Variants in BLTP1 observed in about 807,000 individuals in gnomAD.
BLTP1 encodes fragile site-associated protein.
the BLTP1 span, chr4:122,328,811 A>G: frequency 3.1e-6 from 3 of 959,452 alleles, no homozygotes; most frequent in East Asian, 3.5e-4. Flanking sequence ...GGTGTTAATG[A>G]AATAAATGAC....
At chr4:122,281,520 T>A in the BLTP1 span, 1 of 1,556,218 alleles carries the variant, frequency 6.4e-7, no homozygotes, top group Non-Finnish European at 8.6e-7. Flanking sequence ...TTAATTATTT[T>A]TTTTTTGCTT....
the BLTP1 span, chr4:122,198,161 C>T: frequency 3.1e-6 from 3 of 979,760 alleles, no homozygotes; most frequent in South Asian, 1.4e-4. Context: ...GGCCTGCCTG[C>T]TTAGATAATC....
the BLTP1 span, among the ~76,000 whole-genome samples, chr4:122,308,941 T>C: frequency 6.6e-6 from 1 of 152,150 alleles, no homozygotes; most frequent in East Asian, 1.9e-4. Context: ...AGTAGTTTTT[T>C]AATAGCATAA....
chr4:122,297,293 C>T, the BLTP1 span, among the ~76,000 whole-genome samples: 3 of 152,076 alleles, frequency 2.0e-5, no homozygotes, highest in Non-Finnish European at 2.9e-5. Context: ...GGCCAACAAA[C>T]GTATGAAAAA....
chr4:122,209,857 G>A, the BLTP1 span: 2 of 1,613,578 alleles, frequency 1.2e-6, no homozygotes, highest in South Asian at 1.1e-5. Flanking sequence ...CAAGTGTCAT[G>A]CTTACAATTG....
the BLTP1 span, chr4:122,246,772 G>C: frequency 5.0e-6 from 8 of 1,613,106 alleles, no homozygotes; most frequent in African/African-American, 4.0e-5. Context: ...TAGTGGCATT[G>C]TGTTTTGACA....
At chr4:122,333,788 C>T in the BLTP1 span, 54 of 1,609,952 alleles carry the variant, frequency 3.4e-5, no homozygotes, top group South Asian at 4.4e-5. Context: ...CAGTATTTTA[C>T]ATTCCCGGAG....
chr4:122,342,503 G>A, the BLTP1 span, among the ~76,000 whole-genome samples: 10 of 151,944 alleles, frequency 6.6e-5, no homozygotes, highest in Non-Finnish European at 1.0e-4. Flanking sequence ...TTACAGGTGC[G>A]TGCCACCACG....
chr4:122,232,557 A>G, the BLTP1 span, among the ~76,000 whole-genome samples: 2 of 152,090 alleles, frequency 1.3e-5, no homozygotes, highest in African/African-American at 2.4e-5. Flanking sequence ...CAGTGAGCCA[A>G]GATTGCGCCA....
chr4:122,319,739 C>T, the BLTP1 span, among the ~76,000 whole-genome samples: 1 of 151,930 alleles, frequency 6.6e-6, no homozygotes, highest in African/African-American at 2.4e-5. Flanking sequence ...CGGGGTTTCA[C>T]CATCTTGGCC....
chr4:122,198,034 T>C, the BLTP1 span: 1 of 984,984 alleles, frequency 1.0e-6, no homozygotes, highest in Admixed American at 6.2e-5. Flanking sequence ...GTATAATTCA[T>C]TTTTGTGTAA....
At chr4:122,346,659 A>G in the BLTP1 span, 1 of 1,613,374 alleles carries the variant, frequency 6.2e-7, no homozygotes, top group Non-Finnish European at 8.5e-7. Context: ...TTTAAATATG[A>G]TATGCGCCGA....
chr4:122,358,322 A>G, the BLTP1 span, among the ~76,000 whole-genome samples: 2 of 152,174 alleles, frequency 1.3e-5, no homozygotes, highest in Non-Finnish European at 2.9e-5. Flanking sequence ...GGTCTGCCAC[A>G]AACTACGTGT....
At chr4:122,154,351 A>G in the BLTP1 span, 5 of 984,596 alleles carry the variant, frequency 5.1e-6, no homozygotes, top group African/African-American at 3.5e-5. Context: ...TAATCTGCCT[A>G]TATTGCTAGG....
At chr4:122,312,879 A>C in the BLTP1 span, 34 of 854,880 alleles carry the variant, frequency 4.0e-5, no homozygotes, top group African/African-American at 5.5e-5. Flanking sequence ...AGATATATGT[A>C]CTCTGGAGTT....
the BLTP1 span, chr4:122,175,296 A>G: frequency 1.8e-3 from 1,777 of 980,152 alleles, 4 homozygotes; most frequent in Non-Finnish European, 2.0e-3. Flanking sequence ...TTTCCCAATC[A>G]AAAGTGAAAA....
At chr4:122,323,645 A>G in the BLTP1 span, among the ~76,000 whole-genome samples, 1 of 152,148 alleles carries the variant, frequency 6.6e-6, no homozygotes, top group Non-Finnish European at 1.5e-5. Flanking sequence ...TTTATTTGTC[A>G]CTAGTCTCTG....
At chr4:122,239,829 G>C in the BLTP1 span, 1 of 1,614,156 alleles carries the variant, frequency 6.2e-7, no homozygotes, top group South Asian at 1.1e-5. Flanking sequence ...TCGATCAATG[G>C]ATTCCAGCAT....
At chr4:122,336,349 T>C in the BLTP1 span, 2 of 1,601,800 alleles carry the variant, frequency 1.2e-6, no homozygotes, top group South Asian at 1.1e-5. Flanking sequence ...AAAGGAATTA[T>C]ACAGGTAAGC....
Sources: allele counts gnomAD v4.1 joint callset (sites outside exome capture counted in the v4.1 genomes callset), GRCh38; gene constraint gnomAD v4.1.1; transcripts MANE v1.5; gene names NCBI Gene and HGNC (gene_info 2026-07-23, HGNC 2026-07-21).